The following KCNIP4 variants were observed in gnomAD, a reference collection of about 807,000 sequenced individuals.
KCNIP4 encodes the protein Kv channel-interacting protein 4.
KCNIP4 carries 12 observed loss-of-function variants against 34.0 expected under a neutral mutation model. The observed-to-expected ratio is 0.35, with a 90% CI of 0.23 to 0.57. KCNIP4 has a LOEUF of 0.57. Ranked by LOEUF, KCNIP4 falls within the 20% of genes least tolerant of loss-of-function variation. The probability of loss-of-function intolerance (pLI) is 0.83; values close to 1 mark genes in which losing one functional copy is unlikely to be tolerated. For synonymous variants in KCNIP4, 124 were observed against 102.2 expected (o/e 1.21, Z -1.29); for missense variants, 238 against 311.7 (o/e 0.76, Z 1.78).
chr4:21,321,669 A>T (rs1714429901), intron 1 of KCNIP4, among the ~76,000 whole-genome samples: 1 of 90,670 alleles, frequency 1.1e-5, no homozygotes, highest in Non-Finnish European at 2.3e-5. Context: ...ACAAGGAAGG[A>T]GGAAGGGAAG....
intron 1 of KCNIP4, among the ~76,000 whole-genome samples, chr4:21,183,973 A>G (rs10026046): frequency 0.072 from 10,873 of 152,056 alleles, 529 homozygotes; most frequent in South Asian, 0.16. Flanking sequence ...TTTTCCTTAT[A>G]TCGTATCTCA....
chr4:20,832,438 A>G (rs948793714), intron 3 of KCNIP4, among the ~76,000 whole-genome samples: 2 of 152,200 alleles, frequency 1.3e-5, no homozygotes, highest in Non-Finnish European at 2.9e-5. Context: ...GAAATTAAAG[A>G]CAAACTGTGG....
chr4:21,358,178 G>C (rs1426317929), intron 1 of KCNIP4, among the ~76,000 whole-genome samples: 1 of 152,012 alleles, frequency 6.6e-6, no homozygotes, highest in South Asian at 2.1e-4. Flanking sequence ...AGGTGGTGGG[G>C]GGCTGGTGGA....
At chr4:21,836,913 A>ATTTTTTTT (rs1560750990) in intron 1 of KCNIP4, among the ~76,000 whole-genome samples, 1 of 60,332 alleles carries the variant, frequency 1.7e-5, no homozygotes, top group African/African-American at 5.8e-5. Context: ...AGCTGGGATA[A>ATTTTTTTT]ATTTTTTTTT....
At chr4:20,998,990 T>C (rs1737813122) in intron 1 of KCNIP4, among the ~76,000 whole-genome samples, 1 of 152,134 alleles carries the variant, frequency 6.6e-6, no homozygotes. Flanking sequence ...AAATGGGAAA[T>C]GCAGAAAAAT....
intron 1 of KCNIP4, among the ~76,000 whole-genome samples, chr4:21,077,920 T>G (rs185163452): frequency 6.6e-6 from 1 of 152,250 alleles, no homozygotes. Context: ...AGAGGGCACT[T>G]AACAAGACCT....
At chr4:21,267,534 A>G (rs1014458040) in intron 1 of KCNIP4, among the ~76,000 whole-genome samples, 2 of 150,258 alleles carry the variant, frequency 1.3e-5, no homozygotes, top group African/African-American at 4.9e-5. Context: ...TCAATACCTA[A>G]TTTATTGAGA....
At chr4:21,593,465 G>A (rs1037998432) in intron 1 of KCNIP4, among the ~76,000 whole-genome samples, 5 of 152,110 alleles carry the variant, frequency 3.3e-5, no homozygotes, top group South Asian at 2.1e-4. Context: ...TAGAATTCTC[G>A]GATTCTGAGG....
intron 1 of KCNIP4, among the ~76,000 whole-genome samples, chr4:21,840,687 C>G (rs1723621793): frequency 6.6e-6 from 1 of 152,146 alleles, no homozygotes; most frequent in Non-Finnish European, 1.5e-5. Context: ...ACTATATTCT[C>G]TTAATACCTT....
chr4:21,211,447 C>T (rs761259070), intron 1 of KCNIP4, among the ~76,000 whole-genome samples: 5 of 152,004 alleles, frequency 3.3e-5, no homozygotes, highest in Non-Finnish European at 5.9e-5. Flanking sequence ...AAAGTGCGGA[C>T]CCGATTGTGA....
intron 1 of KCNIP4, among the ~76,000 whole-genome samples, chr4:21,937,630 T>C (rs1729934615): frequency 1.3e-5 from 2 of 152,156 alleles, no homozygotes; most frequent in Admixed American, 1.3e-4. Context: ...TTAAATTTCA[T>C]TGTTCTTCAA....
At chr4:21,304,382 G>A (rs1482313938) in intron 1 of KCNIP4, among the ~76,000 whole-genome samples, 2 of 152,160 alleles carry the variant, frequency 1.3e-5, no homozygotes, top group Non-Finnish European at 2.9e-5. Context: ...CATGAGGCCC[G>A]GCGCGGAGGA....
intron 2 of KCNIP4, among the ~76,000 whole-genome samples, chr4:20,879,032 AGAGT>A (rs148699675): frequency 0.019 from 2,885 of 152,240 alleles, 41 homozygotes; most frequent in Non-Finnish European, 0.032. Flanking sequence ...TAAGACGCTC[AGAGT>A]GAGTGCTACA....
intron 1 of KCNIP4, among the ~76,000 whole-genome samples, chr4:21,090,927 C>A (rs367918237): frequency 6.6e-6 from 1 of 152,076 alleles, no homozygotes; most frequent in Admixed American, 6.6e-5. Context: ...AGAATCAGTG[C>A]CAATTACATC....
At chr4:21,234,895 G>A (rs35564076) in intron 1 of KCNIP4, among the ~76,000 whole-genome samples, 9,625 of 151,830 alleles carry the variant, frequency 0.063, 359 homozygotes, top group East Asian at 0.14. Flanking sequence ...TGATCCACCC[G>A]CCTCGGCCTC....
chr4:20,931,709 C>T lies in KCNIP4; in HGVS notation c.62-49000G>A, dbSNP rs116430017. Among the ~76,000 whole-genome samples, 1,313 of 152,050 alleles carry T rather than the reference C, an allele frequency of 8.6e-3. 18 individuals carry two copies. The highest frequency in any genetic ancestry group is 0.073 in the East Asian group (376 of 5,166). ...CTCATGACTGTACTACATGATTTCA[C>T]TTAATGTAGAATCTTAAAAAAGAAG... On this transcript the variant is annotated intron_variant, in intron 1 of 8. Coordinates refer to ENST00000382152, the MANE Select transcript of KCNIP4 (RefSeq NM_025221.6).
intron 1 of KCNIP4, among the ~76,000 whole-genome samples, chr4:21,536,263 G>A (rs1293032046): frequency 6.6e-6 from 1 of 152,154 alleles, no homozygotes. Flanking sequence ...TGCAAGCCAG[G>A]CAATATTGCA....
intron 1 of KCNIP4, among the ~76,000 whole-genome samples, chr4:21,333,454 C>T (rs1170680513): frequency 6.6e-6 from 1 of 151,858 alleles, no homozygotes; most frequent in African/African-American, 2.4e-5. Flanking sequence ...AATTCATAGA[C>T]CTTTAATATT....
At position 21,923,158 on chromosome 4, in the gene KCNIP4, C is replaced by T. The variant is rs1402124758; in HGVS notation, c.61+25413G>A. ...CCCACTGCCCATGTCCCATGGCTTC[C>T]CATTACACTCTGATCTCTGATACAA... On this transcript the variant is annotated intron_variant, in intron 1 of 8. Coordinates refer to ENST00000382152, the MANE Select transcript of KCNIP4 (RefSeq NM_025221.6). Among the ~76,000 whole-genome samples, 6 of 152,194 alleles carry T rather than the reference C, an allele frequency of 3.9e-5. No homozygotes were observed. The East Asian group carries it at 1.2e-3, about 29-fold the overall frequency.
Sources: allele counts gnomAD v4.1 joint callset (sites outside exome capture counted in the v4.1 genomes callset), GRCh38; gene constraint gnomAD v4.1.1; transcripts MANE v1.5; gene names NCBI Gene and HGNC (gene_info 2026-07-23, HGNC 2026-07-21).